The following KCNB2 variants were observed in gnomAD, a reference collection of about 807,000 sequenced individuals.
The protein encoded by KCNB2 is delayed rectifier potassium channel protein.
KCNB2 carries 15 observed loss-of-function variants against 61.5 expected under a neutral mutation model. That is an observed-to-expected ratio of 0.24 (90% CI 0.16 to 0.38). The LOEUF (loss-of-function observed/expected upper bound fraction) is 0.38. Among genes scored for constraint, KCNB2 ranks in the 10% least tolerant of loss-of-function variants. The probability of loss-of-function intolerance (pLI) is 1.00; values close to 1 mark genes in which losing one functional copy is unlikely to be tolerated. For synonymous variants in KCNB2, 457 were observed against 446.0 expected (o/e 1.02, Z -0.31); for missense variants, 828 against 1,125.2 (o/e 0.74, Z 3.78).
chr8:72,845,229 C>T (rs1809967049), intron 2 of KCNB2, among the ~76,000 whole-genome samples: 1 of 152,178 alleles, frequency 6.6e-6, no homozygotes, highest in African/African-American at 2.4e-5. Context: ...ACAGGAGGTC[C>T]ACTCCAGACC....
At chr8:72,655,840 T>C (rs1806282813) in intron 2 of KCNB2, among the ~76,000 whole-genome samples, 1 of 152,138 alleles carries the variant, frequency 6.6e-6, no homozygotes, top group Non-Finnish European at 1.5e-5. Context: ...CTTGCTTTTT[T>C]ATTTATTCAT....
intron 2 of KCNB2, among the ~76,000 whole-genome samples, chr8:72,709,014 G>A (rs1807279939): frequency 6.6e-6 from 1 of 152,076 alleles, no homozygotes; most frequent in Non-Finnish European, 1.5e-5. Flanking sequence ...GATTGTTAAG[G>A]AGTCACTAAT....
At chr8:72,728,130 T>C (rs1484197126) in intron 2 of KCNB2, among the ~76,000 whole-genome samples, 3 of 152,214 alleles carry the variant, frequency 2.0e-5, no homozygotes, top group African/African-American at 7.2e-5. Flanking sequence ...CCAACTCTCC[T>C]TTTAATTCCA....
At chr8:72,801,101 A>C (rs536631730) in intron 2 of KCNB2, among the ~76,000 whole-genome samples, 32 of 152,334 alleles carry the variant, frequency 2.1e-4, no homozygotes, top group Non-Finnish European at 4.1e-4. Context: ...TCCAGGGAAC[A>C]TAATGCAAGC....
chr8:72,566,887 G>T (rs1806633356), intron 1 of KCNB2, among the ~76,000 whole-genome samples: 1 of 152,056 alleles, frequency 6.6e-6, no homozygotes, highest in Admixed American at 6.5e-5. Context: ...GGATGGATCA[G>T]GATTTCACAG....
At chr8:72,709,090 T>G (rs1446756750) in intron 2 of KCNB2, among the ~76,000 whole-genome samples, 1 of 152,178 alleles carries the variant, frequency 6.6e-6, no homozygotes, top group Admixed American at 6.5e-5. Flanking sequence ...CTCTAAGTAC[T>G]AACATTATTT....
chr8:72,603,647 CT>C (rs1805397764), intron 2 of KCNB2, among the ~76,000 whole-genome samples: 1 of 152,102 alleles, frequency 6.6e-6, no homozygotes, highest in Non-Finnish European at 1.5e-5. Flanking sequence ...TGTTTCACAA[CT>C]TATTAGCTGT....
intron 2 of KCNB2, among the ~76,000 whole-genome samples, chr8:72,826,030 T>G (rs1285831781): frequency 6.6e-6 from 1 of 152,268 alleles, no homozygotes; most frequent in Non-Finnish European, 1.5e-5. Context: ...TAACATTTGC[T>G]TATGTTCAGG....
At chr8:72,723,795 C>T (rs1807588761) in intron 2 of KCNB2, among the ~76,000 whole-genome samples, 1 of 152,194 alleles carries the variant, frequency 6.6e-6, no homozygotes, top group Admixed American at 6.5e-5. Flanking sequence ...TAGAATTTTC[C>T]AAGCCCACCC....
intron 2 of KCNB2, among the ~76,000 whole-genome samples, chr8:72,675,842 G>A (rs1222593144): frequency 2.0e-5 from 3 of 152,062 alleles, no homozygotes; most frequent in East Asian, 1.9e-4. Flanking sequence ...ATGAGTCACC[G>A]CGCCTGGCCT....
chr8:72,749,034 A>G (rs1472458191), intron 2 of KCNB2, among the ~76,000 whole-genome samples: 2 of 152,166 alleles, frequency 1.3e-5, no homozygotes, highest in Non-Finnish European at 2.9e-5. Context: ...TTTCTGATGT[A>G]CATAATGTGT....
intron 2 of KCNB2, among the ~76,000 whole-genome samples, chr8:72,570,525 A>G (rs1185149025): frequency 6.6e-6 from 1 of 151,838 alleles, no homozygotes; most frequent in Non-Finnish European, 1.5e-5. Context: ...GATGTCTTAT[A>G]TAAACCACTA....
chr8:72,828,093 G>A (rs892335227), intron 2 of KCNB2, among the ~76,000 whole-genome samples: 3 of 152,252 alleles, frequency 2.0e-5, no homozygotes, highest in South Asian at 4.1e-4. Context: ...GATTATAGGC[G>A]TGAGCCACCA....
At chr8:72,636,400 CAA>C (rs781122112) in intron 2 of KCNB2, among the ~76,000 whole-genome samples, 4 of 152,080 alleles carry the variant, frequency 2.6e-5, no homozygotes, top group Non-Finnish European at 5.9e-5. Context: ...TATTTGCAGA[CAA>C]GTGTCCATTA....
chr8:72,776,440 A>T (rs911312708), intron 2 of KCNB2, among the ~76,000 whole-genome samples: 13 of 152,134 alleles, frequency 8.5e-5, no homozygotes, highest in African/African-American at 3.1e-4. Context: ...GTTTTTAAAA[A>T]CACATTGCTC....
At chr8:72,788,607 G>A (rs766385672) in intron 2 of KCNB2, among the ~76,000 whole-genome samples, 1 of 151,968 alleles carries the variant, frequency 6.6e-6, no homozygotes, top group Non-Finnish European at 1.5e-5. Flanking sequence ...GTAGCCTTGG[G>A]AAGCAGAAAT....
intron 2 of KCNB2, among the ~76,000 whole-genome samples, chr8:72,882,390 T>C (rs1805726289): frequency 1.3e-5 from 2 of 152,138 alleles, no homozygotes; most frequent in South Asian, 2.1e-4. Context: ...AGAGTGTACA[T>C]TGAGGTCACA....
chr8:72,899,857 A>C (rs573699809), intron 2 of KCNB2, among the ~76,000 whole-genome samples: 1 of 152,272 alleles, frequency 6.6e-6, no homozygotes, highest in East Asian at 1.9e-4. Flanking sequence ...AGAAAAAAGT[A>C]TTCTAAAATT....
At chr8:72,907,678 G>T (rs1473761059) in intron 2 of KCNB2, among the ~76,000 whole-genome samples, 1 of 152,180 alleles carries the variant, frequency 6.6e-6, no homozygotes, top group Non-Finnish European at 1.5e-5. Context: ...AAAAGTTTCT[G>T]CAGTCAGACC....
Sources: gnomAD v4.1 joint callset for allele counts (sites outside exome capture counted in the v4.1 genomes callset) on GRCh38, gnomAD v4.1.1 for gene constraint, MANE v1.5 for transcripts, NCBI Gene and HGNC (gene_info 2026-07-23, HGNC 2026-07-21) for gene names.